ENTREP1: variants seen among roughly 807,000 people sequenced by gnomAD.
The protein encoded by ENTREP1 is Friedreich ataxia region gene X123.
At chr9:69,382,732 C>A in the ENTREP1 span, 1 of 152,224 alleles carries the variant, frequency 6.6e-6, no homozygotes, top group Non-Finnish European at 1.5e-5. Flanking sequence ...TAAAATGAAA[C>A]AACTATAAAT....
the ENTREP1 span, chr9:69,385,837 C>T: frequency 1.1e-5 from 17 of 1,603,898 alleles, no homozygotes; most frequent in Middle Eastern, 1.7e-4. Context: ...AATGCATCCA[C>T]CTCAACTCCC....
chr9:69,389,761 T>C, the ENTREP1 span, among the ~76,000 whole-genome samples: 1 of 152,190 alleles, frequency 6.6e-6, no homozygotes. Context: ...TGCAAAGTCT[T>C]GCTCCCTGAG....
At chr9:69,387,836 T>G in the ENTREP1 span, 1 of 1,208,722 alleles carries the variant, frequency 8.3e-7, no homozygotes, top group Non-Finnish European at 1.1e-6. Context: ...TCCATCCCCA[T>G]CTATTTGTCA....
the ENTREP1 span, chr9:69,377,877 G>T: frequency 1.0e-6 from 1 of 961,954 alleles, no homozygotes. Flanking sequence ...CCTGACTTGA[G>T]GAACGTTAGC....
chr9:69,378,947 A>T, the ENTREP1 span, among the ~76,000 whole-genome samples: 1 of 152,138 alleles, frequency 6.6e-6, no homozygotes, highest in Non-Finnish European at 1.5e-5. Context: ...CTTTGGGTGC[A>T]CAGAGAAGGT....
chr9:69,378,440 A>G, the ENTREP1 span, among the ~76,000 whole-genome samples: 1 of 152,198 alleles, frequency 6.6e-6, no homozygotes, highest in African/African-American at 2.4e-5. Flanking sequence ...TCTGATTGTT[A>G]GCAACTTCTA....
chr9:69,371,406 T>C, the ENTREP1 span: 12 of 920,482 alleles, frequency 1.3e-5, no homozygotes, highest in Non-Finnish European at 2.2e-5. Context: ...AAATGTTCTC[T>C]TGGAAGGGAA....
the ENTREP1 span, among the ~76,000 whole-genome samples, chr9:69,362,558 T>C: frequency 6.6e-6 from 1 of 152,290 alleles, no homozygotes; most frequent in Admixed American, 6.5e-5. Flanking sequence ...ATGATTCAAA[T>C]GAATAACAAA....
the ENTREP1 span, among the ~76,000 whole-genome samples, chr9:69,369,644 A>G: frequency 6.7e-6 from 1 of 148,904 alleles, no homozygotes; most frequent in African/African-American, 2.5e-5. Flanking sequence ...TGGTTGTGCC[A>G]CCTTATACTT....
chr9:69,330,621 A>T, the ENTREP1 span, among the ~76,000 whole-genome samples: 1 of 152,258 alleles, frequency 6.6e-6, no homozygotes, highest in Non-Finnish European at 1.5e-5. Context: ...CTACCAGTTA[A>T]ATGATAGTAA....
At chr9:69,340,356 ACCT>A in the ENTREP1 span, among the ~76,000 whole-genome samples, 1 of 152,054 alleles carries the variant, frequency 6.6e-6, no homozygotes, top group Non-Finnish European at 1.5e-5. Context: ...TGTGGTTGTT[ACCT>A]TGATGACATC....
At chr9:69,355,897 T>C in the ENTREP1 span, among the ~76,000 whole-genome samples, 1 of 152,234 alleles carries the variant, frequency 6.6e-6, no homozygotes, top group East Asian at 1.9e-4. Context: ...AAGTGAGTAG[T>C]GTTCCAGGAG....
chr9:69,353,712 T>C, the ENTREP1 span, among the ~76,000 whole-genome samples: 1 of 152,224 alleles, frequency 6.6e-6, no homozygotes, highest in Non-Finnish European at 1.5e-5. Flanking sequence ...ATGTATAATG[T>C]GCAAAAAAGT....
At chr9:69,384,112 C>T in the ENTREP1 span, 2 of 955,288 alleles carry the variant, frequency 2.1e-6, no homozygotes, top group Non-Finnish European at 3.2e-6. Context: ...AATCCCAGCA[C>T]TTTGGGAGGC....
the ENTREP1 span, among the ~76,000 whole-genome samples, chr9:69,343,702 C>T: frequency 1.3e-5 from 2 of 152,092 alleles, no homozygotes; most frequent in Non-Finnish European, 2.9e-5. Context: ...AACATGAGAA[C>T]CCGTTTTTAA....
the ENTREP1 span, among the ~76,000 whole-genome samples, chr9:69,327,796 ACT>A: frequency 6.6e-6 from 1 of 151,910 alleles, no homozygotes; most frequent in East Asian, 1.9e-4. Context: ...TCTTCCCCAT[ACT>A]CTCCAAACAC....
the ENTREP1 span, among the ~76,000 whole-genome samples, chr9:69,332,013 G>A: frequency 7.2e-5 from 11 of 152,140 alleles, no homozygotes; most frequent in East Asian, 3.9e-4. Flanking sequence ...CCCTTTCCCC[G>A]TCTGTGAATT....
chr9:69,368,888 G>T, the ENTREP1 span, among the ~76,000 whole-genome samples: 1 of 151,862 alleles, frequency 6.6e-6, no homozygotes, highest in African/African-American at 2.4e-5. Flanking sequence ...AGAACGTGCA[G>T]GTTCGTTACA....
the ENTREP1 span, chr9:69,391,563 C>T: frequency 1.3e-6 from 2 of 1,583,180 alleles, no homozygotes; most frequent in South Asian, 2.2e-5. Context: ...TCTGGTAAAG[C>T]TTACTTAACT....
Sources: allele counts gnomAD v4.1 joint callset (sites outside exome capture counted in the v4.1 genomes callset), GRCh38; gene constraint gnomAD v4.1.1; transcripts MANE v1.5; gene names NCBI Gene and HGNC (gene_info 2026-07-23, HGNC 2026-07-21).